The following FBXL20 variants were observed in gnomAD, a reference collection of about 807,000 sequenced individuals.
FBXL20 encodes the protein F-box and leucine rich repeat protein 20.
A neutral mutation model predicts 64.0 loss-of-function variants in FBXL20; 11 were observed. That is an observed-to-expected ratio of 0.17 (90% CI 0.11 to 0.28). The LOEUF (loss-of-function observed/expected upper bound fraction) is 0.28. FBXL20 is among the 10% of genes least tolerant of loss of function. The probability of loss-of-function intolerance (pLI) is 1.00; values close to 1 mark genes in which losing one functional copy is unlikely to be tolerated. For synonymous variants in FBXL20, 184 were observed against 189.0 expected, an observed-to-expected ratio of 0.97 and a Z score of 0.22; for missense variants, 303 against 526.2, an observed-to-expected ratio of 0.58 and a Z score of 4.15.
At chr17:39,395,828 A>C (rs2048177520) in intron 1 of FBXL20, among the ~76,000 whole-genome samples, 1 of 152,176 alleles carries the variant, frequency 6.6e-6, no homozygotes, top group South Asian at 2.1e-4. Context: ...GAGTGAAATG[A>C]TGTAGAGAGA....
intron 6 of FBXL20, among the ~76,000 whole-genome samples, chr17:39,294,561 C>T (rs2144425270): frequency 6.6e-6 from 1 of 152,092 alleles, no homozygotes; most frequent in East Asian, 1.9e-4. Flanking sequence ...GCCACAGTCC[C>T]CTGCTGCTTC....
upstream of FBXL20, chr17:39,402,130 C>G (rs2048254251): frequency 6.5e-6 from 8 of 1,231,726 alleles, no homozygotes; most frequent in Non-Finnish European, 8.1e-6. Context: ...GTAAGGCACC[C>G]GCATCCTTCC....
chr17:39,370,762 T>C (rs902501952), intron 1 of FBXL20, among the ~76,000 whole-genome samples: 1 of 144,080 alleles, frequency 6.9e-6, no homozygotes, highest in East Asian at 2.0e-4. Flanking sequence ...GCCACTGCAC[T>C]CCAGCCTGGG....
chr17:39,374,239 A>G (rs983473592), intron 1 of FBXL20, among the ~76,000 whole-genome samples: 3 of 150,472 alleles, frequency 2.0e-5, no homozygotes, highest in Admixed American at 6.6e-5. Flanking sequence ...AAAAAAAGAA[A>G]AAAAAAAGAC....
intron 7 of FBXL20, 58 bp from the exon 8 acceptor site, chr17:39,282,913 A>C: frequency 6.3e-7 from 1 of 1,589,158 alleles, no homozygotes; most frequent in Non-Finnish European, 8.6e-7. Flanking sequence ...AAAAACACCA[A>C]CGTCTCAATT....
At chr17:39,320,436 T>G (rs1218750578) in intron 2 of FBXL20, among the ~76,000 whole-genome samples, 1 of 152,246 alleles carries the variant, frequency 6.6e-6, no homozygotes, top group East Asian at 1.9e-4. Context: ...TGGTATATAC[T>G]GACCTCACAG....
chr17:39,286,836 C>A (rs554645364), intron 6 of FBXL20, among the ~76,000 whole-genome samples: 1 of 152,068 alleles, frequency 6.6e-6, no homozygotes, highest in Non-Finnish European at 1.5e-5. Flanking sequence ...CTTCTTCCCC[C>A]CTTTTTTATT....
chr17:39,277,579 C>T (rs1457485625), intron 9 of FBXL20, among the ~76,000 whole-genome samples: 1 of 151,674 alleles, frequency 6.6e-6, no homozygotes, highest in Non-Finnish European at 1.5e-5. Flanking sequence ...ATGGCGAAAC[C>T]CCGTTTCTAC....
At chr17:39,265,253 CCTT>C in intron 13 of FBXL20, 141 bp downstream of exon 13, 2 of 609,520 alleles carry the variant, frequency 3.3e-6, no homozygotes, top group Non-Finnish European at 5.8e-6. Flanking sequence ...CTCATGTACT[CCTT>C]TGGTTCTCAG....
chr17:39,300,119 T>C (rs1373609772), intron 4 of FBXL20, among the ~76,000 whole-genome samples: 2 of 152,210 alleles, frequency 1.3e-5, no homozygotes, highest in South Asian at 4.1e-4. Context: ...AAACAAAAGC[T>C]TGCTGAATAA....
In FBXL20 at chr17:39,276,353, A is replaced by AGAAAG. The variant is rs1314729329; in HGVS notation, c.697-1258_697-1254dup. Among the ~76,000 whole-genome samples the AGAAAG allele has an allele frequency of 7.3e-5, 11 of 150,710 alleles. No homozygotes were observed. In the South Asian group the frequency reaches 1.5e-3, roughly 20 times the overall value. On this transcript the variant is annotated intron_variant, in intron 9 of 14. Transcript: ENST00000264658. ...GGAAGGAAGGGAAGGAAGAGAAGAA[A>AGAAAG]GAAAGGAAGAAGGAGGGAGGGAGGG...
intron 1 of FBXL20, among the ~76,000 whole-genome samples, chr17:39,367,928 T>TA (rs1454880439): frequency 1.3e-5 from 2 of 151,250 alleles, no homozygotes; most frequent in Non-Finnish European, 2.9e-5. Flanking sequence ...CACACCCAGC[T>TA]AATTTTTTTT....
intron 1 of FBXL20, among the ~76,000 whole-genome samples, chr17:39,361,956 T>A (rs947142834): frequency 1.3e-5 from 2 of 149,910 alleles, no homozygotes; most frequent in African/African-American, 4.9e-5. Flanking sequence ...AGTAAAGTTT[T>A]AAAAATGCTT....
chr17:39,301,406 T>C (rs113347485), intron 3 of FBXL20, among the ~76,000 whole-genome samples: 15,623 of 151,922 alleles, frequency 0.1, 864 homozygotes, highest in African/African-American at 0.15. Context: ...GCCTGGGCAA[T>C]ATAGCCAGAC....
Position 39,257,769 on chromosome 17 carries a change from G to C in FBXL20, c.*3691C>G, listed in dbSNP as rs2046708360. ...AGGATTCAAAAAGGAAGCTAGACTT[G>C]AGACATCTGAGAGTAAATCAGCAGC... On this transcript the variant is annotated 3_prime_UTR_variant, in exon 15 of 15. Transcript: ENST00000264658. 6.6e-6 allele frequency: 1 copy of C among 152,492 alleles called. No homozygotes were observed. The highest frequency in any genetic ancestry group is 2.4e-5 in the African/African-American group (1 of 41,454). The allele number at this position is 152,492 out of a possible 1,614,324, so 9.4% of individuals were successfully genotyped here.
Position 39,257,237 on chromosome 17 carries a change from G to A in FBXL20, c.*4223C>T, listed in dbSNP as rs1214723062. On this transcript the variant is annotated 3_prime_UTR_variant, in exon 15 of 15. Transcript: ENST00000264658. Reference sequence around the variant, plus strand: ...GACCTTGTGATCCACCCACCGTGCCGGGCCATAACAATGCATTTTACAAGG... The same window carrying A: ...GACCTTGTGATCCACCCACCGTGCCAGGCCATAACAATGCATTTTACAAGG... 2.6e-5 allele frequency: 4 copies of A among 152,032 alleles called. No homozygotes were observed. Among genetic ancestry groups the A allele is most frequent in the Non-Finnish European group, 4.4e-5 (3 of 68,006 alleles). The allele number at this position is 152,032 out of a possible 1,614,324, so 9.4% of individuals were successfully genotyped here.
intron 1 of FBXL20, among the ~76,000 whole-genome samples, chr17:39,344,845 C>T (rs566706807): frequency 1.4e-4 from 22 of 152,160 alleles, no homozygotes; most frequent in Non-Finnish European, 3.1e-4. Flanking sequence ...ATATATTGTG[C>T]AGAAAACCAA....
chr17:39,330,070 A>T (rs1352845758), intron 2 of FBXL20, among the ~76,000 whole-genome samples: 1 of 152,100 alleles, frequency 6.6e-6, no homozygotes, highest in Non-Finnish European at 1.5e-5. Context: ...AAGCAAGCAG[A>T]TCACCTGAGG....
Position 39,265,433 on chromosome 17 carries a change from G to A in FBXL20, c.954C>T (p.Ile318=), listed in dbSNP as rs1196127018. Residue 318 remains isoleucine, a synonymous_variant, in exon 13 of 15, where the codon ATC becomes ATT. Coordinates refer to ENST00000264658, the MANE Select transcript of FBXL20 (RefSeq NM_032875.3). ...ECVQITDSTL[I]QLSIHCPRLQ... ...GTCGAGGACAGTGTATAGAAAGTTGGATTAATGTGCTATCTGTTATCTGAA... is the reference window on the plus strand; with the variant it reads ...GTCGAGGACAGTGTATAGAAAGTTGAATTAATGTGCTATCTGTTATCTGAA... 1.2e-6 allele frequency: 2 copies of A among 1,610,986 alleles called. No homozygotes were observed. The highest frequency in any genetic ancestry group is 3.3e-5 in the Admixed American group (2 of 59,968).
Sources: allele counts gnomAD v4.1 joint callset (sites outside exome capture counted in the v4.1 genomes callset), GRCh38; gene constraint gnomAD v4.1.1; transcripts MANE v1.5; gene names NCBI Gene and HGNC (gene_info 2026-07-23, HGNC 2026-07-21).